EBF2: variants seen among roughly 807,000 people sequenced by gnomAD.
The protein encoded by EBF2 is EBF transcription factor 2.
EBF2 carries 21 observed loss-of-function variants against 72.8 expected under a neutral mutation model. The observed-to-expected ratio is 0.29, with a 90% CI of 0.20 to 0.42. EBF2 has a LOEUF of 0.42. Ranked by LOEUF, EBF2 falls within the 10% of genes least tolerant of loss-of-function variation. The pLI is 1.00. For synonymous variants in EBF2, 299 were observed against 274.2 expected, an observed-to-expected ratio of 1.09 and a Z score of -0.89; for missense variants, 637 against 731.2, an observed-to-expected ratio of 0.87 and a Z score of 1.49.
chr8:25,992,294 A>G (rs1482413633), intron 6 of EBF2, among the ~76,000 whole-genome samples: 3 of 126,202 alleles, frequency 2.4e-5, no homozygotes, highest in Non-Finnish European at 4.7e-5. Context: ...CGATCGCGCC[A>G]TTGCACTCCA....
At chr8:26,003,816 C>T (rs763172845) in intron 6 of EBF2, among the ~76,000 whole-genome samples, 5 of 152,148 alleles carry the variant, frequency 3.3e-5, no homozygotes, top group Non-Finnish European at 4.4e-5. Flanking sequence ...TCCTCTGAGC[C>T]GGACCATTAT....
rs1585183284 is a variant in EBF2 at position 25,889,742 on chromosome 8, G to A, written c.751+10C>T. 1 of 1,604,570 alleles carries A rather than the reference G, an allele frequency of 6.2e-7. No individual in the cohort carries two copies. The highest frequency in any genetic ancestry group is 8.5e-7 in the Non-Finnish European group (1 of 1,171,432). ...CATGTGTCTGCTATGCTGAGCGCAG[G>A]CAGCCCTACCTTCCGATGGATCGAG... On this transcript the variant is annotated intron_variant, in intron 8 of 15. Coordinates refer to ENST00000520164, the MANE Select transcript of EBF2 (RefSeq NM_022659.4).
chr8:25,972,795 G>A (rs1182197347), intron 6 of EBF2, among the ~76,000 whole-genome samples: 5 of 151,128 alleles, frequency 3.3e-5, no homozygotes, highest in Admixed American at 6.6e-5. Context: ...AATATAAGCC[G>A]TATTTCAAAG....
In EBF2 at chr8:25,887,904, T is replaced by C; in HGVS notation, c.820A>G (p.Ile274Val). Residue 274 changes from isoleucine to valine, a missense_variant, in exon 9 of 16, where the codon ATC (isoleucine) becomes GTC (valine). By Grantham distance (29) the Ile-to-Val change is conservative. This residue lies in a region of EBF2 where 204 missense variants were observed against 301.2 expected (regional missense o/e 0.68). Transcript: ENST00000520164. Reference protein sequence around the residue: ...WTTGGAMVIIIGDNFFDGLQV... With the variant: ...WTTGGAMVIIVGDNFFDGLQV... ...AGACCATCAAAGAAGTTGTCCCCGA[T>C]GATGATGACCATGGCTCCTCCTGTG... 2 of 1,613,808 alleles carry C rather than the reference T, an allele frequency of 1.2e-6. No individual in the cohort carries two copies. The highest frequency in any genetic ancestry group is 1.7e-6 in the Non-Finnish European group (2 of 1,179,850).
chr8:25,857,022 C>T (rs977580285), intron 14 of EBF2, among the ~76,000 whole-genome samples: 3 of 152,174 alleles, frequency 2.0e-5, no homozygotes, highest in Non-Finnish European at 1.5e-5. Context: ...ATAATTCCCC[C>T]AAACACTTTT....
intron 7 of EBF2, among the ~76,000 whole-genome samples, chr8:25,891,063 T>C (rs1013563389): frequency 2.6e-5 from 4 of 152,190 alleles, no homozygotes; most frequent in African/African-American, 9.7e-5. Context: ...AGGAGGCAGA[T>C]AGGAAATAGG....
rs80110395 is a variant in EBF2 at position 26,034,638 on chromosome 8, G to A, written c.483-1485C>T. Among the ~76,000 whole-genome samples, 1,459 of 152,312 alleles carry A rather than the reference G, an allele frequency of 9.6e-3. 14 individuals carry two copies. The highest frequency in any genetic ancestry group is 0.014 in the Non-Finnish European group (973 of 68,024). On this transcript the variant is annotated intron_variant, in intron 5 of 15. Transcript: ENST00000520164. Reference sequence around the variant, plus strand: ...GGGAGCCCATCTGCTGCCTATCAGGGCTACAGACTTCTGAATACCTCTCAG... The same window carrying A: ...GGGAGCCCATCTGCTGCCTATCAGGACTACAGACTTCTGAATACCTCTCAG...
chr8:25,850,667 G>A lies in EBF2; in HGVS notation c.1623C>T (p.Ala541=). The A allele has an allele frequency of 6.4e-7, 1 of 1,562,032 alleles. No individual in the cohort carries two copies. Among genetic ancestry groups the A allele is most frequent in the Admixed American group, 2.2e-5 (1 of 46,372 alleles). Residue 541 remains alanine, a synonymous_variant, in exon 15 of 16, where the codon GCC becomes GCT. Transcript: ENST00000520164. ...CTTGGGGCCTGATGACAGGGGCAAA[G>A]GCACTCTTCTGTTTGACAGCAGGAA... is the stretch of plus-strand genomic sequence containing the variant. ...SVFPAVKQKS[A]FAPVIRPQGS...
chr8:25,985,454 G>A (rs1311691797), intron 6 of EBF2, among the ~76,000 whole-genome samples: 4 of 152,162 alleles, frequency 2.6e-5, no homozygotes. Context: ...ACGATGCCAG[G>A]CACATACTTG....
At chr8:25,864,435 A>G (rs1802265692) in intron 10 of EBF2, among the ~76,000 whole-genome samples, 1 of 151,924 alleles carries the variant, frequency 6.6e-6, no homozygotes, top group Non-Finnish European at 1.5e-5. Context: ...TCACATCCCA[A>G]TTTGACCTTA....
chr8:25,851,629 G>C (rs1189471127), intron 14 of EBF2, among the ~76,000 whole-genome samples: 1 of 152,042 alleles, frequency 6.6e-6, no homozygotes. Context: ...CTTAAATATA[G>C]CACCTTATAG....
At chr8:25,857,798 A>C (rs1363211265) in intron 14 of EBF2, among the ~76,000 whole-genome samples, 1 of 152,198 alleles carries the variant, frequency 6.6e-6, no homozygotes, top group Non-Finnish European at 1.5e-5. Context: ...TGCAAAGTCA[A>C]AAAGCAGCAT....
intron 15 of EBF2, 84 bp from the exon 16 acceptor site, chr8:25,844,724 G>A: frequency 6.5e-7 from 1 of 1,528,670 alleles, no homozygotes; most frequent in South Asian, 1.1e-5. Flanking sequence ...GCAGGGGATG[G>A]GAATGATAGA....
chr8:26,042,943 C>A (rs1427728220), intron 1 of EBF2, among the ~76,000 whole-genome samples: 2 of 152,160 alleles, frequency 1.3e-5, no homozygotes, highest in Non-Finnish European at 2.9e-5. Context: ...GATCGCTGGC[C>A]ACCACAAATG....
rs371458751 is a variant in EBF2 at position 25,924,048 on chromosome 8, G to C, written c.552-15493C>G. 7.3e-4 allele frequency among the ~76,000 whole-genome samples: 111 copies of C among 152,294 alleles called. 1 individual carries two copies. The highest frequency in any genetic ancestry group is 2.2e-3 in the African/African-American group (93 of 41,554). The stretch of plus-strand genomic sequence containing the variant: ...TACCGATAATGTAATGTAGGAGGCA[G>C]TGTGACCTAGAGGATAAAACTTAAG... On this transcript the variant is annotated intron_variant, in intron 6 of 15. Coordinates refer to ENST00000520164, the MANE Select transcript of EBF2 (RefSeq NM_022659.4).
intron 10 of EBF2, among the ~76,000 whole-genome samples, chr8:25,879,721 G>A (rs187224292): frequency 2.0e-4 from 31 of 152,206 alleles, no homozygotes; most frequent in African/African-American, 7.0e-4. Flanking sequence ...CTGCATGCTG[G>A]TGTTCCCAAG....
chr8:25,906,925 G>A (rs1322770711), intron 7 of EBF2, among the ~76,000 whole-genome samples: 2 of 151,950 alleles, frequency 1.3e-5, no homozygotes, highest in African/African-American at 2.4e-5. Flanking sequence ...GCCATGATGG[G>A]GTTAAAAAAT....
chr8:25,851,696 A>C (rs977684820), intron 14 of EBF2, among the ~76,000 whole-genome samples: 3 of 152,216 alleles, frequency 2.0e-5, no homozygotes, highest in Admixed American at 6.5e-5. Context: ...TGTCCAAGTC[A>C]CATGACTTGA....
At chr8:25,879,177 C>T (rs1230175039) in intron 10 of EBF2, among the ~76,000 whole-genome samples, 1 of 152,106 alleles carries the variant, frequency 6.6e-6, no homozygotes. Context: ...TGGGTCATAT[C>T]ATGCAGACTA....
Sources: gnomAD v4.1 joint callset for allele counts (sites outside exome capture counted in the v4.1 genomes callset) on GRCh38, gnomAD v4.1.1 for gene constraint, gnomAD v4.1.1 regional missense constraint, MANE v1.5 for transcripts, NCBI Gene and HGNC (gene_info 2026-07-23, HGNC 2026-07-21) for gene names.